The following PHLDB2 variants were observed in gnomAD, a reference collection of about 807,000 sequenced individuals.
PHLDB2 encodes pleckstrin homology like domain family B member 2, also known as pleckstrin homology-like domain family B member 2.
PHLDB2 carries 71 observed loss-of-function variants against 123.6 expected under a neutral mutation model. The observed-to-expected ratio is 0.57, with a 90% CI of 0.47 to 0.70. PHLDB2 has a LOEUF of 0.70. Ranked by LOEUF, PHLDB2 falls within the 30% of genes least tolerant of loss-of-function variation. The pLI is 0.00. For synonymous variants in PHLDB2, 547 were observed against 541.6 expected (o/e 1.01, Z -0.14); for missense variants, 1,446 against 1,519.5 (o/e 0.95, Z 0.80).
chr3:111,753,555 T>C (rs2059824211), intron 1 of PHLDB2, among the ~76,000 whole-genome samples: 1 of 152,026 alleles, frequency 6.6e-6, no homozygotes, highest in Admixed American at 6.5e-5. Flanking sequence ...ATTAGCCCTT[T>C]GTCAGATGAG....
intron 1 of PHLDB2, among the ~76,000 whole-genome samples, chr3:111,797,046 T>C (rs2061189008): frequency 6.6e-6 from 1 of 152,218 alleles, no homozygotes; most frequent in Non-Finnish European, 1.5e-5. Flanking sequence ...AAAATCTTCT[T>C]TTCCTGCCTA....
chr3:111,751,504 C>T (rs928528046), intron 1 of PHLDB2, among the ~76,000 whole-genome samples: 1 of 151,918 alleles, frequency 6.6e-6, no homozygotes, highest in African/African-American at 2.4e-5. Context: ...AGTCAAATCC[C>T]TCAGTGCCCA....
chr3:111,838,858 A>G (rs930021675), intron 1 of PHLDB2, among the ~76,000 whole-genome samples: 3 of 152,222 alleles, frequency 2.0e-5, no homozygotes, highest in Non-Finnish European at 4.4e-5. Context: ...ACACTTCTAA[A>G]TCTAATTTAG....
At chr3:111,953,568 T>A (rs2070844802) in intron 11 of PHLDB2, among the ~76,000 whole-genome samples, 1 of 152,162 alleles carries the variant, frequency 6.6e-6, no homozygotes, top group Non-Finnish European at 1.5e-5. Context: ...CAAGAGTAGC[T>A]CTTCCCTGTT....
intron 1 of PHLDB2, among the ~76,000 whole-genome samples, chr3:111,741,609 CA>C (rs2107927985): frequency 6.6e-6 from 1 of 152,158 alleles, no homozygotes; most frequent in South Asian, 2.1e-4. Flanking sequence ...GGCATTAAAT[CA>C]GTTTTGCAAC....
chr3:111,891,576 T>C (rs552437692), intron 2 of PHLDB2, among the ~76,000 whole-genome samples: 1 of 152,098 alleles, frequency 6.6e-6, no homozygotes, highest in South Asian at 2.1e-4. Context: ...CATTACACAT[T>C]ACAGTGTAGT....
rs998109943 is a variant in PHLDB2 at position 111,817,391 on chromosome 3, G to A, written c.-48-28430G>A. ...ATTTAATGTTTCTTGCATATAAGACGTGAATGAGGATCCATACCAGCTGAC... is the reference window on the plus strand; with the variant it reads ...ATTTAATGTTTCTTGCATATAAGACATGAATGAGGATCCATACCAGCTGAC... On this transcript the variant is annotated intron_variant, in intron 1 of 17. Coordinates refer to the PHLDB2 transcript ENST00000393923. 3.9e-5 allele frequency among the ~76,000 whole-genome samples: 6 copies of A among 152,120 alleles called. No individual in the cohort carries two copies. The South Asian group carries it at 6.2e-4, about 16-fold the overall frequency.
rs201717540 is a variant in PHLDB2 at position 111,901,527 on chromosome 3, T to C, written c.1336-11792T>C. Among the ~76,000 whole-genome samples, 6 of 114,188 alleles carry C rather than the reference T, an allele frequency of 5.3e-5. No individual in the cohort carries two copies. The South Asian group carries it at 1.4e-3, about 27-fold the overall frequency. The allele number at this position is 114,188 out of a possible 152,430, so 74.9% of individuals were successfully genotyped here. A position where few individuals can be genotyped will look rare whatever the true frequency, so the allele number is the denominator to read the frequency against. On this transcript the variant is annotated intron_variant, in intron 2 of 17. Coordinates refer to ENST00000431670, the MANE Select transcript of PHLDB2 (RefSeq NM_001134438.2). Reference sequence around the variant, plus strand: ...TCTTTATGCATTAAAAAAAATCTTATTTTTTAAAGGATAGGATATGTTTTC... The same window carrying C: ...TCTTTATGCATTAAAAAAAATCTTACTTTTTAAAGGATAGGATATGTTTTC...
intron 1 of PHLDB2, among the ~76,000 whole-genome samples, chr3:111,874,763 G>C (rs929907565): frequency 2.0e-5 from 3 of 152,164 alleles, no homozygotes; most frequent in Non-Finnish European, 4.4e-5. Flanking sequence ...GAATATTAGT[G>C]AGTAACACTA....
Position 111,966,716 on chromosome 3 carries a change from T to G in PHLDB2, c.3168+13T>G. 2.5e-6 allele frequency: 4 copies of G among 1,608,922 alleles called. No individual in the cohort carries two copies. The highest frequency in any genetic ancestry group is 3.4e-6 in the Non-Finnish European group (4 of 1,176,776). On this transcript the variant is annotated intron_variant, in intron 14 of 17. Transcript: ENST00000431670. ...GCTCGAATCCAGGGTAAGCTTCATA[T>G]TTTCATGCCGGAGGTCTGTGATACC...
rs1212741582 is a variant in PHLDB2, at chr3:111,932,251, C to T, written c.2002-18C>T. 3 of 1,548,970 alleles carry T rather than the reference C, an allele frequency of 1.9e-6. No homozygotes were observed. The highest frequency in any genetic ancestry group is 2.6e-6 in the Non-Finnish European group (3 of 1,145,792). On this transcript the variant is annotated intron_variant, in intron 5 of 17. Transcript: ENST00000431670. ...GTGAAGGTAATTTCTATTCTATTTT[C>T]TGGTTTCTGAACTTCAGGAGAAGGT...
At chr3:111,854,860 C>T (rs1437774961), upstream of PHLDB2, among the ~76,000 whole-genome samples, 1 of 152,190 alleles carries the variant, frequency 6.6e-6, no homozygotes, top group African/African-American at 2.4e-5. Flanking sequence ...CACGCTGTCA[C>T]TCCCAGAGTC....
intron 1 of PHLDB2, among the ~76,000 whole-genome samples, chr3:111,758,749 C>T (rs973729175): frequency 6.6e-6 from 1 of 152,136 alleles, no homozygotes; most frequent in South Asian, 2.1e-4. Flanking sequence ...CATCTTGGCT[C>T]GACCACAAAA....
At chr3:111,906,360 C>T (rs1354238751) in intron 2 of PHLDB2, among the ~76,000 whole-genome samples, 1 of 152,150 alleles carries the variant, frequency 6.6e-6, no homozygotes, top group Non-Finnish European at 1.5e-5. Flanking sequence ...CTGGTTTATA[C>T]TTGAGGAAAC....
chr3:111,760,752 G>C (rs1334372724), intron 1 of PHLDB2, among the ~76,000 whole-genome samples: 1 of 152,008 alleles, frequency 6.6e-6, no homozygotes, highest in African/African-American at 2.4e-5. Context: ...TTGAATCAGA[G>C]CTTAGATTAA....
intron 10 of PHLDB2, among the ~76,000 whole-genome samples, chr3:111,950,526 AT>A (rs2070644226): frequency 6.6e-6 from 1 of 152,154 alleles, no homozygotes; most frequent in Admixed American, 6.5e-5. Context: ...TATTCACCAG[AT>A]TTTTAAATAA....
chr3:111,891,618 A>G (rs2066502894), intron 2 of PHLDB2, among the ~76,000 whole-genome samples: 1 of 152,120 alleles, frequency 6.6e-6, no homozygotes, highest in Admixed American at 6.6e-5. Context: ...AATAAATGTA[A>G]TGTGCTTGAA....
At chr3:111,902,641 GT>G (rs201571096) in intron 2 of PHLDB2, among the ~76,000 whole-genome samples, 10 of 150,086 alleles carry the variant, frequency 6.7e-5, no homozygotes, top group Admixed American at 2.7e-4. Context: ...TATTTATTCA[GT>G]TTTTTTTTTC....
At chr3:111,948,591 A>G (rs1307184738) in intron 9 of PHLDB2, among the ~76,000 whole-genome samples, 1 of 152,202 alleles carries the variant, frequency 6.6e-6, no homozygotes, top group Non-Finnish European at 1.5e-5. Context: ...TTGGTGTGCT[A>G]TTACTTTAAA....
Sources: allele counts gnomAD v4.1 joint callset (sites outside exome capture counted in the v4.1 genomes callset), GRCh38; gene constraint gnomAD v4.1.1; transcripts MANE v1.5; gene names NCBI Gene and HGNC (gene_info 2026-07-23, HGNC 2026-07-21).